The following CADM2 variants were observed in gnomAD, a reference collection of about 807,000 sequenced individuals.
CADM2 encodes the protein immunoglobulin superfamily member 4D.
In CADM2, 12 loss-of-function variants were observed where a neutral mutation model predicts 49.8. The observed-to-expected ratio is 0.24, with a 90% CI of 0.15 to 0.39. The LOEUF is 0.39. Among genes scored for constraint, CADM2 ranks in the 10% least tolerant of loss-of-function variants. The pLI, the probability that CADM2 is intolerant of heterozygous loss-of-function variation, is 1.00. For synonymous variants in CADM2, 214 were observed against 175.4 expected (o/e 1.22, Z -1.74); for missense variants, 378 against 492.3 (o/e 0.77, Z 2.20).
intron 1 of CADM2, among the ~76,000 whole-genome samples, chr3:85,528,524 T>G (rs1037415054): frequency 6.6e-6 from 1 of 152,218 alleles, no homozygotes; most frequent in Non-Finnish European, 1.5e-5. Flanking sequence ...AAGTAGTCAA[T>G]GTACTTACTT....
At chr3:85,093,072 C>T (rs530071373) in intron 1 of CADM2, among the ~76,000 whole-genome samples, 7 of 152,124 alleles carry the variant, frequency 4.6e-5, no homozygotes, top group African/African-American at 1.4e-4. Context: ...TTAAAATTTG[C>T]TGCATTTACA....
At chr3:85,932,979 A>G (rs1720782340) in intron 6 of CADM2, among the ~76,000 whole-genome samples, 1 of 152,142 alleles carries the variant, frequency 6.6e-6, no homozygotes, top group Non-Finnish European at 1.5e-5. Context: ...ATGCTGAATC[A>G]TACTTCAAGG....
chr3:85,568,435 C>CTT (rs1491470762), intron 1 of CADM2, among the ~76,000 whole-genome samples: 8 of 29,292 alleles, frequency 2.7e-4, no homozygotes, highest in African/African-American at 8.6e-4. Context: ...TTCTTTCTTT[C>CTT]TTTCTTTCTT....
chr3:85,401,232 T>C (rs767171330), intron 1 of CADM2, among the ~76,000 whole-genome samples: 6 of 152,164 alleles, frequency 3.9e-5, no homozygotes, highest in African/African-American at 2.4e-5. Flanking sequence ...CCTCAGCTAA[T>C]GGTTCTTTTA....
In CADM2 at chr3:85,275,660, A is replaced by G. The variant is rs571703011; in HGVS notation, c.61+315992A>G. 2.1e-3 allele frequency among the ~76,000 whole-genome samples: 320 copies of G among 151,360 alleles called. 3 individuals carry two copies. The highest frequency in any genetic ancestry group is 4.8e-3 in the Admixed American group (73 of 15,098). On this transcript the variant is annotated intron_variant, in intron 1 of 9. Transcript: ENST00000383699. ...TCTGCTCTCAAATTGTTACAATTGC[A>G]TATTTTACAAAATGTTCTCTTTTAA...
intron 8 of CADM2, among the ~76,000 whole-genome samples, chr3:86,036,022 T>C (rs1204466153): frequency 1.3e-5 from 2 of 152,114 alleles, no homozygotes; most frequent in African/African-American, 4.8e-5. Flanking sequence ...TCATGGATGA[T>C]CGACCTTCAT....
chr3:85,498,796 G>A (rs1011441999), intron 1 of CADM2, among the ~76,000 whole-genome samples: 4 of 152,092 alleles, frequency 2.6e-5, no homozygotes, highest in African/African-American at 9.7e-5. Context: ...ATGAGCAATG[G>A]CTTTGTATTT....
At position 85,562,372 on chromosome 3, in the gene CADM2, G is replaced by A. The variant is rs571250813; in HGVS notation, c.62-164150G>A. 2.0e-5 allele frequency among the ~76,000 whole-genome samples: 3 copies of A among 151,544 alleles called. No individual in the cohort carries two copies. In the South Asian group the frequency reaches 6.3e-4, roughly 32 times the overall value. ...GCACGCCTGAAATCCCAGCTACTCG[G>A]GAGGCTGAGGCAGGATAACCACTTG... On this transcript the variant is annotated intron_variant, in intron 1 of 9. Coordinates refer to ENST00000383699, the MANE Select transcript of CADM2 (RefSeq NM_001167675.2).
intron 8 of CADM2, among the ~76,000 whole-genome samples, chr3:86,009,490 A>T (rs2106894489): frequency 6.6e-6 from 1 of 151,670 alleles, no homozygotes; most frequent in Non-Finnish European, 1.5e-5. Flanking sequence ...TTCAGATAGG[A>T]TACTTTTAAA....
intron 1 of CADM2, among the ~76,000 whole-genome samples, chr3:85,546,982 A>G (rs930677107): frequency 1.3e-5 from 2 of 152,072 alleles, no homozygotes; most frequent in East Asian, 1.9e-4. Flanking sequence ...TAAGCTTTTT[A>G]TGGTTAAAAT....
chr3:85,037,015 A>C (rs892637643), intron 1 of CADM2, among the ~76,000 whole-genome samples: 7 of 151,524 alleles, frequency 4.6e-5, no homozygotes, highest in African/African-American at 1.7e-4. Context: ...AAAAAAAAAA[A>C]AAAACTTAGC....
chr3:85,752,733 G>T (rs568433726), intron 2 of CADM2, among the ~76,000 whole-genome samples: 8 of 151,790 alleles, frequency 5.3e-5, no homozygotes, highest in African/African-American at 1.9e-4. Flanking sequence ...CTCGTGGAAA[G>T]AAAAAAATCA....
chr3:85,345,313 C>CAAAAA (rs3085180), intron 1 of CADM2, among the ~76,000 whole-genome samples: 1,237 of 46,900 alleles, frequency 0.026, 148 homozygotes, highest in East Asian at 0.13. Context: ...GTCTCCATCT[C>CAAAAA]AAAAAAAAAA....
At chr3:86,034,350 G>A (rs917139581) in intron 8 of CADM2, among the ~76,000 whole-genome samples, 6 of 152,058 alleles carry the variant, frequency 3.9e-5, no homozygotes, top group South Asian at 2.1e-4. Flanking sequence ...GGTCATGAAG[G>A]TGGTGCCCTC....
intron 2 of CADM2, among the ~76,000 whole-genome samples, chr3:85,733,933 A>G (rs955745508): frequency 3.3e-5 from 5 of 152,076 alleles, no homozygotes; most frequent in African/African-American, 1.2e-4. Flanking sequence ...TTAAATTCCC[A>G]AGATTTGTGG....
chr3:85,132,134 T>C (rs1167350174), intron 1 of CADM2, among the ~76,000 whole-genome samples: 2 of 152,190 alleles, frequency 1.3e-5, no homozygotes, highest in African/African-American at 4.8e-5. Flanking sequence ...TTACTAACTA[T>C]TGGTTGAGGA....
At chr3:85,320,862 A>G (rs2044580209) in intron 1 of CADM2, among the ~76,000 whole-genome samples, 1 of 151,482 alleles carries the variant, frequency 6.6e-6, no homozygotes, top group African/African-American at 2.4e-5. Flanking sequence ...ATTGTGGTTT[A>G]TATCTCTGAA....
intron 3 of CADM2, among the ~76,000 whole-genome samples, chr3:85,831,405 A>T (rs952557549): frequency 1.3e-5 from 2 of 152,108 alleles, no homozygotes; most frequent in Middle Eastern, 3.4e-3. Flanking sequence ...AAAAATCTCC[A>T]AACTGCTTTC....
chr3:85,148,040 G>A (rs2039805862), intron 1 of CADM2, among the ~76,000 whole-genome samples: 1 of 152,196 alleles, frequency 6.6e-6, no homozygotes, highest in Non-Finnish European at 1.5e-5. Context: ...AACTTTGTAA[G>A]TCAGATATTG....
Sources: gnomAD v4.1 joint callset for allele counts (sites outside exome capture counted in the v4.1 genomes callset) on GRCh38, gnomAD v4.1.1 for gene constraint, MANE v1.5 for transcripts, NCBI Gene and HGNC (gene_info 2026-07-23, HGNC 2026-07-21) for gene names.